Variants in ZDHHC14 observed in about 807,000 individuals in gnomAD.
The protein encoded by ZDHHC14 is zDHHC palmitoyltransferase 14.
ZDHHC14 carries 16 observed loss-of-function variants against 47.7 expected under a neutral mutation model. That is an observed-to-expected ratio of 0.34 (90% CI 0.23 to 0.51). The LOEUF is 0.51. Among genes scored for constraint, ZDHHC14 ranks in the 20% least tolerant of loss-of-function variants. ZDHHC14 has a pLI of 0.97. For missense variants in ZDHHC14, 515 were observed against 662.5 expected (o/e 0.78, Z 2.44); for synonymous variants, 293 against 278.9 (o/e 1.05, Z -0.50).
intron 2 of ZDHHC14, among the ~76,000 whole-genome samples, chr6:157,544,469 G>A (rs1781889417): frequency 6.6e-6 from 1 of 152,164 alleles, no homozygotes; most frequent in African/African-American, 2.4e-5. Flanking sequence ...CCAACCTGGT[G>A]AAACCCCATC....
Position 157,472,872 on chromosome 6 carries a change from T to C in ZDHHC14, c.246-69713T>C, listed in dbSNP as rs369449456. 6.2e-4 allele frequency among the ~76,000 whole-genome samples: 95 copies of C among 152,280 alleles called. No individual in the cohort carries two copies. In the East Asian group the frequency reaches 0.017, roughly 27 times the overall value. On this transcript the variant is annotated intron_variant, in intron 1 of 8. Transcript: ENST00000359775. ...CCAGTGCCAACTGTATCCCTGATAG[T>C]GTTGATGGGAGGTGCTGTGTACCAG...
intron 8 of ZDHHC14, among the ~76,000 whole-genome samples, chr6:157,659,677 C>A (rs1296957567): frequency 6.6e-6 from 1 of 152,220 alleles, no homozygotes; most frequent in Non-Finnish European, 1.5e-5. Flanking sequence ...TGATAGACAT[C>A]CAGGGCACCC....
chr6:157,595,443 G>A (rs1233274474), intron 3 of ZDHHC14, among the ~76,000 whole-genome samples: 1 of 151,798 alleles, frequency 6.6e-6, no homozygotes, highest in Non-Finnish European at 1.5e-5. Flanking sequence ...CACCTGCCTC[G>A]GCCTCCTGAA....
Position 157,608,830 on chromosome 6 carries a change from C to T in ZDHHC14, c.565+15684C>T, listed in dbSNP as rs372096334. Among the ~76,000 whole-genome samples, 5 of 152,146 alleles carry T rather than the reference C, an allele frequency of 3.3e-5. No individual in the cohort carries two copies. The South Asian group carries it at 6.2e-4, about 19-fold the overall frequency. ...TGGTGGCACGACAGAGCCAAGGAGACGAGAGGGGGGGCTGTCCCCACAGGG... is the reference window on the plus strand; with the variant it reads ...TGGTGGCACGACAGAGCCAAGGAGATGAGAGGGGGGGCTGTCCCCACAGGG... On this transcript the variant is annotated intron_variant, in intron 3 of 8. Transcript: ENST00000359775.
chr6:157,589,821 A>T (rs1214428154), intron 2 of ZDHHC14, among the ~76,000 whole-genome samples: 3 of 152,226 alleles, frequency 2.0e-5, no homozygotes, highest in Admixed American at 6.5e-5. Flanking sequence ...GGAAGTGGGT[A>T]ACAGGGAGAG....
In ZDHHC14 at chr6:157,382,321, C is replaced by T. The variant is rs149344833; in HGVS notation, c.245+55C>T. 402 of 1,580,470 alleles carry T rather than the reference C, an allele frequency of 2.5e-4. 3 individuals are homozygous for T. The highest frequency in any genetic ancestry group is 2.0e-3 in the African/African-American group (149 of 72,840). ...CGCACTCCCCTGGTCTCCCCTGTCC[C>T]CCGCCCCTCCTCGGGCTGCTTTCGT... On this transcript the variant is annotated intron_variant, in intron 1 of 8. Coordinates refer to ENST00000359775, the MANE Select transcript of ZDHHC14 (RefSeq NM_024630.3).
Position 157,392,473 on chromosome 6 carries a change from C to T in ZDHHC14, c.245+10207C>T, listed in dbSNP as rs533842187. ...TGTGTTGGGGGGTTGTCTCTTAGACCGTATTCTTCCTCTCTGTGTCATGTG... is the reference window on the plus strand; with the variant it reads ...TGTGTTGGGGGGTTGTCTCTTAGACTGTATTCTTCCTCTCTGTGTCATGTG... On this transcript the variant is annotated intron_variant, in intron 1 of 8. Transcript: ENST00000359775. Among the ~76,000 whole-genome samples, 7 of 152,154 alleles carry T rather than the reference C, an allele frequency of 4.6e-5. No individual in the cohort carries two copies. The East Asian group carries it at 9.7e-4, about 21-fold the overall frequency.
intron 1 of ZDHHC14, 96 bp from the exon 2 acceptor site, chr6:157,542,489 T>C (rs2114804802): frequency 9.6e-6 from 14 of 1,451,576 alleles, no homozygotes; most frequent in Admixed American, 2.3e-5. Flanking sequence ...AATAAGCTTT[T>C]GATTTCTTAG....
chr6:157,491,972 T>C (rs534768329), intron 1 of ZDHHC14, among the ~76,000 whole-genome samples: 4 of 152,324 alleles, frequency 2.6e-5, no homozygotes, highest in Non-Finnish European at 5.9e-5. Flanking sequence ...CCGCGCCACT[T>C]CCTGGTCCCT....
At chr6:157,446,657 G>A (rs144458245) in intron 1 of ZDHHC14, among the ~76,000 whole-genome samples, 3,382 of 151,838 alleles carry the variant, frequency 0.022, 54 homozygotes, top group South Asian at 0.043. Flanking sequence ...TGATCCACCC[G>A]CCTCAGCCTC....
rs1228868320 is a variant in ZDHHC14 at position 157,677,331 on chromosome 6, C to T, written c.*4209C>T. The T allele has an allele frequency of 2.0e-5, 3 of 147,712 alleles. No individual in the cohort carries two copies. In the Admixed American group the frequency reaches 2.1e-4, roughly 10 times the overall value. The allele number at this position is 147,712 out of a possible 1,614,324, so 9.2% of individuals were successfully genotyped here. ...ACTAAGTTATCATTGAAATATTAAA[C>T]GATCTGAAGCGTCTTTTTTTTTTTC... On this transcript the variant is annotated 3_prime_UTR_variant, in exon 9 of 9. Transcript: ENST00000359775.
chr6:157,496,375 C>T (rs950819929), intron 1 of ZDHHC14, among the ~76,000 whole-genome samples: 2 of 152,036 alleles, frequency 1.3e-5, no homozygotes, highest in African/African-American at 2.4e-5. Context: ...GAAGTTAACC[C>T]CCCCCATGCT....
At chr6:157,540,910 G>GTGTATATATATATATATATATATA (rs1284429244) in intron 1 of ZDHHC14, among the ~76,000 whole-genome samples, 19 of 122,972 alleles carry the variant, frequency 1.5e-4, no homozygotes, top group African/African-American at 4.3e-4. Context: ...GTGTGTGTGT[G>GTGTATATATATATATATATATATA]TATATATATA....
intron 5 of ZDHHC14, among the ~76,000 whole-genome samples, chr6:157,640,322 CAGAA>C (rs1349190993): frequency 5.3e-5 from 8 of 152,200 alleles, no homozygotes; most frequent in Non-Finnish European, 1.0e-4. Flanking sequence ...GAGGCTGTGA[CAGAA>C]AGCGTTTTCA....
At chr6:157,635,922 A>G (rs1441825492) in intron 5 of ZDHHC14, among the ~76,000 whole-genome samples, 1 of 152,194 alleles carries the variant, frequency 6.6e-6, no homozygotes, top group Non-Finnish European at 1.5e-5. Context: ...TTGAAAACGC[A>G]TAGAAGTCTC....
intron 1 of ZDHHC14, among the ~76,000 whole-genome samples, chr6:157,478,461 C>T (rs1290482139): frequency 6.6e-6 from 1 of 152,132 alleles, no homozygotes; most frequent in Non-Finnish European, 1.5e-5. Context: ...ATGGCAATTC[C>T]AGGTTCAGAT....
intron 3 of ZDHHC14, among the ~76,000 whole-genome samples, chr6:157,627,223 C>A (rs1785470079): frequency 6.6e-6 from 1 of 152,166 alleles, no homozygotes; most frequent in Non-Finnish European, 1.5e-5. Context: ...ATACTGACTG[C>A]CTTGCCTAAG....
At chr6:157,478,655 C>A (rs1005519068) in intron 1 of ZDHHC14, among the ~76,000 whole-genome samples, 3 of 152,098 alleles carry the variant, frequency 2.0e-5, no homozygotes, top group Admixed American at 6.6e-5. Flanking sequence ...ACTGTTAGTT[C>A]ATATTGTTGT....
intron 1 of ZDHHC14, among the ~76,000 whole-genome samples, chr6:157,494,228 C>T (rs1303611678): frequency 2.8e-4 from 43 of 152,230 alleles, no homozygotes; most frequent in Non-Finnish European, 1.3e-4. Context: ...TGGGATGTCA[C>T]TAACATGCAG....
Sources: gnomAD v4.1 joint callset for allele counts (sites outside exome capture counted in the v4.1 genomes callset) on GRCh38, gnomAD v4.1.1 for gene constraint, MANE v1.5 for transcripts, NCBI Gene and HGNC (gene_info 2026-07-23, HGNC 2026-07-21) for gene names.